TMEM135: variants seen among roughly 807,000 people sequenced by gnomAD.
TMEM135 encodes the protein transmembrane protein 135, also known as peroxisomal membrane protein 52.
TMEM135 carries 30 observed loss-of-function variants against 60.3 expected under a neutral mutation model. That is an observed-to-expected ratio of 0.50 (90% confidence interval 0.37 to 0.68). TMEM135 has a LOEUF of 0.68. Among genes scored for constraint, TMEM135 ranks in the 30% least tolerant of loss-of-function variants. TMEM135 has a pLI of 0.00. For synonymous variants in TMEM135, 190 were observed against 186.7 expected (o/e 1.02, Z -0.14); for missense variants, 468 against 548.8 (o/e 0.85, Z 1.47).
In TMEM135 at chr11:87,201,950, TTTATGTTATG is replaced by T. The variant is rs71040298; in HGVS notation, c.463-34636_463-34627del. On this transcript the variant is annotated intron_variant, in intron 5 of 14. Transcript: ENST00000305494. ...ATGCATTCACTTTTGGTATTTATTT[TTTATGTTATG>T]TTATGTTATGTTATGTTATGTTATG... Among the ~76,000 whole-genome samples the T allele has an allele frequency of 7.5e-3, 1,028 of 137,920 alleles. 20 individuals carry two copies. The East Asian group carries it at 0.084, about 11-fold the overall frequency. The allele number at this position is 137,920 out of a possible 152,430, so 90.5% of individuals were successfully genotyped here.
rs1388016196 is a variant in TMEM135, at chr11:87,327,748, A to C, written c.*6415A>C. ...TTCTCAGTCCAAGGCTGAATTTTCA[A>C]GTCTGAGAACCTGGGGGTGGGATGG... On this transcript the variant is annotated 3_prime_UTR_variant, in exon 15 of 15. Coordinates refer to ENST00000305494, the MANE Select transcript of TMEM135 (RefSeq NM_022918.4). 2.2e-6 allele frequency: 1 copy of C among 453,872 alleles called. No homozygotes were observed. Among genetic ancestry groups the C allele is most frequent in the Non-Finnish European group, 4.4e-6 (1 of 226,772 alleles). The allele number at this position is 453,872 out of a possible 1,614,324, so 28.1% of individuals were successfully genotyped here. A position where few individuals can be genotyped will look rare whatever the true frequency, so the allele number is the denominator to read the frequency against.
chr11:87,139,863 C>A (rs973390168), intron 4 of TMEM135, among the ~76,000 whole-genome samples: 2 of 152,022 alleles, frequency 1.3e-5, no homozygotes, highest in East Asian at 3.9e-4. Context: ...TACATATGCA[C>A]ATATATTCAT....
At chr11:87,167,365 AG>A (rs1472524131) in intron 5 of TMEM135, among the ~76,000 whole-genome samples, 1 of 152,084 alleles carries the variant, frequency 6.6e-6, no homozygotes, top group African/African-American at 2.4e-5. Flanking sequence ...GGTGAGAGAG[AG>A]GGCATCTTTG....
At chr11:87,117,712 C>T (rs1461098494) in intron 4 of TMEM135, among the ~76,000 whole-genome samples, 2 of 152,170 alleles carry the variant, frequency 1.3e-5, no homozygotes, top group African/African-American at 2.4e-5. Context: ...TCTTGAACCC[C>T]TCTACGTCAT....
intron 5 of TMEM135, among the ~76,000 whole-genome samples, chr11:87,207,818 C>T (rs1940270881): frequency 1.3e-5 from 2 of 152,330 alleles, no homozygotes; most frequent in East Asian, 1.9e-4. Flanking sequence ...CCTCCCCTGC[C>T]ATCCCCATGG....
intron 5 of TMEM135, among the ~76,000 whole-genome samples, chr11:87,219,430 G>A (rs1220620024): frequency 6.6e-5 from 10 of 152,042 alleles, no homozygotes; most frequent in African/African-American, 2.2e-4. Flanking sequence ...TTCCTTACAT[G>A]GGCTTTCCTC....
intron 8 of TMEM135, among the ~76,000 whole-genome samples, chr11:87,304,096 C>T (rs1484535683): frequency 6.6e-6 from 1 of 152,154 alleles, no homozygotes; most frequent in South Asian, 2.1e-4. Context: ...TTAGGCCAGG[C>T]ATGGTGGCTC....
In TMEM135 at chr11:87,078,654, G is replaced by A. The variant is rs535823785; in HGVS notation, c.362+7039G>A. On this transcript the variant is annotated intron_variant, in intron 3 of 14. Coordinates refer to ENST00000305494, the MANE Select transcript of TMEM135 (RefSeq NM_022918.4). Reference sequence around the variant, plus strand: ...TTTTGTGACACAGTCTTGCTCTGTCGCTGAGGCTGGAGTGCAGTGGCGTGA... The same window carrying A: ...TTTTGTGACACAGTCTTGCTCTGTCACTGAGGCTGGAGTGCAGTGGCGTGA... Among the ~76,000 whole-genome samples the A allele has an allele frequency of 3.3e-5, 5 of 151,404 alleles. No individual in the cohort carries two copies. The South Asian group carries it at 8.4e-4, about 25-fold the overall frequency.
chr11:87,090,231 G>GT (rs200725619), intron 3 of TMEM135, among the ~76,000 whole-genome samples: 1 of 151,984 alleles, frequency 6.6e-6, no homozygotes, highest in African/African-American at 2.4e-5. Context: ...TAATTTTTAT[G>GT]TTAAAAAAAG....
intron 4 of TMEM135, among the ~76,000 whole-genome samples, chr11:87,117,459 T>G (rs1328194919): frequency 1.3e-5 from 2 of 152,216 alleles, no homozygotes; most frequent in African/African-American, 4.8e-5. Flanking sequence ...CTTTCTCAAT[T>G]AAGTTTATGT....
At chr11:87,038,227 G>A in intron 1 of TMEM135, 41 bp downstream of exon 1, 1 of 1,611,936 alleles carries the variant, frequency 6.2e-7, no homozygotes, top group Non-Finnish European at 8.5e-7. Context: ...GTTTAGTCTG[G>A]AAGATGGGCC....
chr11:87,076,015 G>A (rs1226153757), intron 3 of TMEM135, among the ~76,000 whole-genome samples: 3 of 152,134 alleles, frequency 2.0e-5, no homozygotes, highest in African/African-American at 7.2e-5. Flanking sequence ...AGTGGGTCTT[G>A]CCCAAGGCTT....
chr11:87,188,998 G>C (rs1406626644), intron 5 of TMEM135, among the ~76,000 whole-genome samples: 1 of 151,822 alleles, frequency 6.6e-6, no homozygotes, highest in East Asian at 1.9e-4. Flanking sequence ...TACTCATTCT[G>C]TTGTTAAACA....
chr11:87,328,124 GA>G lies in TMEM135; in HGVS notation c.*6793del, dbSNP rs1942941819. Reference sequence around the variant, plus strand: ...CAGGCTTTATGGCTCTATTACCCAAGAATTCTGTTACTTTCAGCTGAAAACA... The same window carrying G: ...CAGGCTTTATGGCTCTATTACCCAAGATTCTGTTACTTTCAGCTGAAAACA... On this transcript the variant is annotated 3_prime_UTR_variant, in exon 15 of 15. Transcript: ENST00000305494. 2.2e-6 allele frequency: 1 copy of G among 454,022 alleles called. No individual in the cohort carries two copies. The highest frequency in any genetic ancestry group is 4.4e-6 in the Non-Finnish European group (1 of 226,782). The allele number at this position is 454,022 out of a possible 1,614,324, so 28.1% of individuals were successfully genotyped here. A position where few individuals can be genotyped will look rare whatever the true frequency, so the allele number is the denominator to read the frequency against.
chr11:87,317,933 T>G lies in TMEM135; in HGVS notation c.1078-204T>G, dbSNP rs541529385. On this transcript the variant is annotated intron_variant, in intron 12 of 14. Coordinates refer to ENST00000305494, the MANE Select transcript of TMEM135 (RefSeq NM_022918.4). ...TACTGAATTTACAGAAAAGTACTAC[T>G]ACTTGAAGCTGGGATTTGGAGCAAA... Among the ~76,000 whole-genome samples, 6 of 152,240 alleles carry G rather than the reference T, an allele frequency of 3.9e-5. No homozygotes were observed. The East Asian group carries it at 7.7e-4, about 20-fold the overall frequency.
chr11:87,076,200 T>C (rs1422810664), intron 3 of TMEM135, among the ~76,000 whole-genome samples: 1 of 152,194 alleles, frequency 6.6e-6, no homozygotes, highest in African/African-American at 2.4e-5. Flanking sequence ...AAGAAAAGTT[T>C]GCCTGATATT....
At chr11:87,087,830 T>C (rs1591009084) in intron 3 of TMEM135, among the ~76,000 whole-genome samples, 1 of 152,122 alleles carries the variant, frequency 6.6e-6, no homozygotes, top group Admixed American at 6.5e-5. Context: ...TCTGCGTCCT[T>C]GGTTCAAGTG....
intron 6 of TMEM135, among the ~76,000 whole-genome samples, chr11:87,280,555 C>T (rs1450727696): frequency 3.3e-5 from 5 of 152,102 alleles, no homozygotes; most frequent in Non-Finnish European, 7.3e-5. Flanking sequence ...TTTTTTATAG[C>T]ACCTTAAATG....
intron 5 of TMEM135, among the ~76,000 whole-genome samples, chr11:87,172,017 T>C (rs1210300168): frequency 6.6e-6 from 1 of 152,146 alleles, no homozygotes; most frequent in African/African-American, 2.4e-5. Context: ...CAGGGACCAG[T>C]ACCTGTACAT....
Sources: allele counts gnomAD v4.1 joint callset (sites outside exome capture counted in the v4.1 genomes callset), GRCh38; gene constraint gnomAD v4.1.1; transcripts MANE v1.5; gene names NCBI Gene and HGNC (gene_info 2026-07-23, HGNC 2026-07-21).